The following RTN4 variants were observed in gnomAD, a reference collection of about 807,000 sequenced individuals.
RTN4 encodes reticulon 4.
RTN4 carries 32 observed loss-of-function variants against 90.4 expected under a neutral mutation model. The ratio of observed to expected loss-of-function variants is 0.35; its 90% CI spans 0.27 to 0.48. The LOEUF (loss-of-function observed/expected upper bound fraction) is 0.48. RTN4 is among the 20% of genes least tolerant of loss of function. The pLI, the probability that RTN4 is intolerant of heterozygous loss-of-function variation, is 0.99. For synonymous variants in RTN4, 629 were observed against 552.5 expected (o/e 1.14, Z -1.94); for missense variants, 1,706 against 1,430.2 (o/e 1.19, Z -3.11).
At chr2:55,054,979 T>C (rs913930630), upstream of RTN4, among the ~76,000 whole-genome samples, 6 of 152,126 alleles carry the variant, frequency 3.9e-5, no homozygotes, top group Admixed American at 6.5e-5. Context: ...TAAGATCAAC[T>C]TCTTCAGTCA....
intron 3 of RTN4, among the ~76,000 whole-genome samples, chr2:55,001,607 T>A (rs1014846975): frequency 5.3e-5 from 8 of 152,134 alleles, no homozygotes; most frequent in Admixed American, 5.2e-4. Flanking sequence ...ACCACCCAAA[T>A]CAACAGTGCA....
chr2:55,082,831 C>T (rs971633330), intron 1 of RTN4, among the ~76,000 whole-genome samples: 5 of 152,110 alleles, frequency 3.3e-5, no homozygotes, highest in Non-Finnish European at 7.4e-5. Flanking sequence ...AGTAGTATCA[C>T]CCATATCTCA....
chr2:55,057,357 G>C lies in RTN4; in HGVS notation c.-63+23132C>G, dbSNP rs554639311. On this transcript the variant is annotated intron_variant, in intron 2 of 3. Transcript: ENST00000427710. ...AGAAGGTACAGAAAATAGAGCATAG[G>C]CATTTGAGAAGAGAGCAAAGTATAT... Among the ~76,000 whole-genome samples, 10 of 152,282 alleles carry C rather than the reference G, an allele frequency of 6.6e-5. 1 individual carries two copies. In the South Asian group the frequency reaches 1.9e-3, roughly 28 times the overall value.
At chr2:55,061,239 T>C (rs1395864314) in intron 2 of RTN4, among the ~76,000 whole-genome samples, 2 of 152,012 alleles carry the variant, frequency 1.3e-5, no homozygotes, top group Non-Finnish European at 2.9e-5. Context: ...CTGATTTGTA[T>C]TTTTAGTAGG....
intron 2 of RTN4, among the ~76,000 whole-genome samples, chr2:55,075,267 TGCTATACACCAACA>T (rs1245933503): frequency 6.6e-6 from 1 of 152,230 alleles, no homozygotes; most frequent in East Asian, 1.9e-4. Flanking sequence ...TCAGTAGCTC[TGCTATACACCAACA>T]GCGACCAAGC....
Position 55,027,500 on chromosome 2 carries a change from A to C in RTN4, c.614-15T>G. On this transcript the variant is annotated splice_polypyrimidine_tract_variant and intron_variant, in intron 2 of 8. Coordinates refer to ENST00000337526, the MANE Select transcript of RTN4 (RefSeq NM_020532.5). ...GTCCATATTTTCTGTGACCATGGACAGAAAGGAAAGTTAGAGAATGCCAGT... is the reference window on the plus strand; with the variant it reads ...GTCCATATTTTCTGTGACCATGGACCGAAAGGAAAGTTAGAGAATGCCAGT... The C allele has an allele frequency of 6.3e-7, 1 of 1,576,314 alleles. No homozygotes were observed.
chr2:55,115,163 A>G (rs1668102200), upstream of RTN4, among the ~76,000 whole-genome samples: 1 of 152,242 alleles, frequency 6.6e-6, no homozygotes, highest in Non-Finnish European at 1.5e-5. Context: ...ACACACATTT[A>G]TTATCTTATC....
intron 1 of RTN4, among the ~76,000 whole-genome samples, chr2:55,090,586 G>A (rs1197239625): frequency 1.3e-5 from 2 of 152,244 alleles, no homozygotes; most frequent in South Asian, 2.1e-4. Context: ...TGGAAGTTTC[G>A]CCAAAATCAT....
rs765618120 is a variant in RTN4, at chr2:55,025,912, A to G, written c.2187T>C (p.Pro729=). Residue 729 remains proline, a synonymous_variant, in exon 3 of 9, where the codon CCT becomes CCC. Transcript: ENST00000337526. ...SEMAKVEQPV[P]DHSELVEDSS... The stretch of plus-strand genomic sequence containing the variant: ...AATCTTCAACTAGCTCAGAATGATC[A>G]GGCACTGGCTGTTCAACTTTTGCCA... 1 of 1,613,284 alleles carries G rather than the reference A, an allele frequency of 6.2e-7. No homozygotes were observed. Among genetic ancestry groups the G allele is most frequent in the Non-Finnish European group, 8.5e-7 (1 of 1,179,740 alleles).
intron 3 of RTN4, among the ~76,000 whole-genome samples, chr2:54,993,728 G>A (rs1679205836): frequency 6.6e-6 from 1 of 152,210 alleles, no homozygotes; most frequent in South Asian, 2.1e-4. Flanking sequence ...CTCTGGTGGA[G>A]CCATCAGACC....
chr2:55,088,860 T>C (rs1475870171), intron 1 of RTN4, among the ~76,000 whole-genome samples: 1 of 152,162 alleles, frequency 6.6e-6, no homozygotes, highest in African/African-American at 2.4e-5. Flanking sequence ...TTAGACAACA[T>C]TATTTACAGG....
intron 1 of RTN4, among the ~76,000 whole-genome samples, chr2:55,106,788 G>A (rs573244186): frequency 1.3e-5 from 2 of 152,144 alleles, no homozygotes; most frequent in Non-Finnish European, 2.9e-5. Flanking sequence ...CCAAAGTGTT[G>A]GGATTACAGG....
At position 55,027,301 on chromosome 2, in the gene RTN4, T is replaced by C. The variant is rs374095352; in HGVS notation, c.798A>G (p.Gln266=). The change falls in exon 3 of 9, where the codon CAA becomes CAG. Residue 266 remains glutamine, a synonymous_variant. Coordinates refer to ENST00000337526, the MANE Select transcript of RTN4 (RefSeq NM_020532.5). ...STVLPTEGTL[Q]ENVSEASKEV... ...CTTTAGAAGCTTCACTGACATTTTC[T>C]TGAAGTGTTCCTTCAGTGGGTAATA... 1.2e-6 allele frequency: 2 copies of C among 1,613,760 alleles called. No individual in the cohort carries two copies. The highest frequency in any genetic ancestry group is 1.1e-5 in the South Asian group (1 of 91,070).
chr2:55,033,759 T>C (rs1454087343), intron 1 of RTN4, among the ~76,000 whole-genome samples: 2 of 152,250 alleles, frequency 1.3e-5, no homozygotes, highest in African/African-American at 4.8e-5. Context: ...AATTGATATA[T>C]AACAGTTGTT....
intron 4 of RTN4, among the ~76,000 whole-genome samples, chr2:54,986,593 T>A (rs1173721921): frequency 6.6e-6 from 1 of 152,182 alleles, no homozygotes; most frequent in Non-Finnish European, 1.5e-5. Context: ...TGATTTTCTT[T>A]ATATGAGATG....
chr2:55,089,890 CA>C (rs1668907090), intron 1 of RTN4, among the ~76,000 whole-genome samples: 1 of 152,102 alleles, frequency 6.6e-6, no homozygotes, highest in African/African-American at 2.4e-5. Flanking sequence ...ACATTTTCCC[CA>C]TTACTGAGAT....
At chr2:55,122,721 G>A in the RTN4 span, among the ~76,000 whole-genome samples, 7 of 152,114 alleles carry the variant, frequency 4.6e-5, no homozygotes, top group Non-Finnish European at 8.8e-5. Context: ...AAGCTGAGGT[G>A]GCAATAGTGG....
chr2:55,025,107 C>A lies in RTN4; in HGVS notation c.2992G>T (p.Ala998Ser), dbSNP rs1382937433. The change falls in exon 3 of 9, where the codon GCA becomes TCA. Residue 998 changes from alanine to serine, a missense_variant. Ala to Ser is a moderately conservative substitution (Grantham distance 99, BLOSUM62 1). Transcript: ENST00000337526. ...EDRSPSAIFS[A>S]ELSKTSVVDL... Reference sequence around the variant, plus strand: ...TTACCTGAAGTTTTACTCAGCTCTGCTGAAAATATAGCAGATGGTGATCTG... The same window carrying A: ...TTACCTGAAGTTTTACTCAGCTCTGATGAAAATATAGCAGATGGTGATCTG... 1 of 1,608,394 alleles carries A rather than the reference C, an allele frequency of 6.2e-7. No homozygotes were observed. Among genetic ancestry groups the A allele is most frequent in the Non-Finnish European group, 8.5e-7 (1 of 1,177,272 alleles).
At chr2:55,061,755 G>T (rs1668297540) in intron 2 of RTN4, among the ~76,000 whole-genome samples, 1 of 152,160 alleles carries the variant, frequency 6.6e-6, no homozygotes, top group African/African-American at 2.4e-5. Flanking sequence ...GAGGGGCAGG[G>T]AAGTGCTGGG....
Sources: gnomAD v4.1 joint callset for allele counts (sites outside exome capture counted in the v4.1 genomes callset) on GRCh38, gnomAD v4.1.1 for gene constraint, MANE v1.5 for transcripts, NCBI Gene and HGNC (gene_info 2026-07-23, HGNC 2026-07-21) for gene names.